Variants in ZRANB3 observed in about 807,000 individuals in gnomAD.
ZRANB3 encodes zinc finger RANBP2-type containing 3.
ZRANB3 carries 125 observed loss-of-function variants against 133.8 expected under a neutral mutation model. The observed-to-expected ratio is 0.93, with a 90% confidence interval of 0.81 to 1.08. ZRANB3 has a LOEUF of 1.08. Among genes scored for constraint, ZRANB3 ranks in the 50% least tolerant of loss-of-function variants. ZRANB3 has a pLI of 0.00. For missense variants in ZRANB3, 1,229 were observed against 1,275.5 expected, an observed-to-expected ratio of 0.96 and a Z score of 0.56; for synonymous variants, 387 against 432.7, an observed-to-expected ratio of 0.89 and a Z score of 1.31.
At chr2:135,345,480 G>T in intron 6 of ZRANB3, 70 bp downstream of exon 6, 3 of 1,091,012 alleles carry the variant, frequency 2.7e-6, no homozygotes, top group Non-Finnish European at 4.0e-6. Context: ...AAAAAAAAAA[G>T]AATGATTAAT....
intron 2 of ZRANB3, among the ~76,000 whole-genome samples, chr2:135,471,553 A>G (rs1003710158): frequency 2.0e-5 from 3 of 152,200 alleles, no homozygotes; most frequent in Non-Finnish European, 4.4e-5. Context: ...AAATATCGTA[A>G]CTATTTTTAA....
intron 6 of ZRANB3, among the ~76,000 whole-genome samples, chr2:135,338,996 C>T (rs1310180818): frequency 1.3e-5 from 2 of 152,080 alleles, no homozygotes; most frequent in African/African-American, 4.8e-5. Context: ...ATGGTATAGG[C>T]CAGGCAGGGT....
intron 2 of ZRANB3, among the ~76,000 whole-genome samples, chr2:135,484,474 A>C (rs1431331450): frequency 6.6e-6 from 1 of 152,112 alleles, no homozygotes; most frequent in African/African-American, 2.4e-5. Flanking sequence ...GTATATTCAC[A>C]ATATACATAT....
intron 2 of ZRANB3, among the ~76,000 whole-genome samples, chr2:135,453,927 C>A (rs1690382906): frequency 6.6e-6 from 1 of 152,174 alleles, no homozygotes; most frequent in Non-Finnish European, 1.5e-5. Context: ...TGTTTTCATG[C>A]TGCTGATAAA....
intron 1 of ZRANB3, among the ~76,000 whole-genome samples, chr2:135,524,372 G>A (rs542705966): frequency 6.6e-5 from 10 of 152,010 alleles, no homozygotes; most frequent in Non-Finnish European, 1.2e-4. Context: ...TTAAGCCACC[G>A]CGACCATCCT....
chr2:135,327,327 G>T (rs1467521930), intron 6 of ZRANB3, among the ~76,000 whole-genome samples: 1 of 151,848 alleles, frequency 6.6e-6, no homozygotes, highest in African/African-American at 2.4e-5. Context: ...AAATCTCCAG[G>T]AAAACGAAAA....
At position 135,280,063 on chromosome 2, in the gene ZRANB3, C is replaced by A. The variant is rs912615202; in HGVS notation, c.967-4308G>T. Among the ~76,000 whole-genome samples, 11 of 152,156 alleles carry A rather than the reference C, an allele frequency of 7.2e-5. No homozygotes were observed. In the South Asian group the frequency reaches 2.1e-3, roughly 29 times the overall value. ...AAATTATCTGAACAGGAATTTGCTT[C>A]CAAACGATCTTAAGTACATAGTATG... is the stretch of plus-strand genomic sequence containing the variant. On this transcript the variant is annotated intron_variant, in intron 8 of 20. Transcript: ENST00000264159.
chr2:135,485,150 A>T (rs1266837250), intron 2 of ZRANB3, among the ~76,000 whole-genome samples: 1 of 92,882 alleles, frequency 1.1e-5, no homozygotes, highest in South Asian at 3.0e-4. Context: ...AAAACAAACA[A>T]AACAAAACAA....
In ZRANB3 at chr2:135,199,366, G is replaced by A. The variant is rs897790531; in HGVS notation, c.*976C>T. The A allele has an allele frequency of 1.3e-5, 2 of 151,980 alleles. No individual in the cohort carries two copies. The highest frequency in any genetic ancestry group is 2.9e-5 in the Non-Finnish European group (2 of 68,046). The allele number at this position is 151,980 out of a possible 1,614,324, so 9.4% of individuals were successfully genotyped here. ...GGCTGGAGTTCAATGGCGTGATCTC[G>A]GCTCACTGCAACCTCTGCTTCCCGG... On this transcript the variant is annotated 3_prime_UTR_variant, in exon 21 of 21. Transcript: ENST00000264159.
chr2:135,328,886 C>G (rs571086072), intron 6 of ZRANB3, among the ~76,000 whole-genome samples: 1 of 152,256 alleles, frequency 6.6e-6, no homozygotes, highest in Admixed American at 6.5e-5. Context: ...TGTTCATATC[C>G]TTTGCCCACT....
At chr2:135,495,297 C>G (rs1054739701) in intron 2 of ZRANB3, among the ~76,000 whole-genome samples, 2 of 151,924 alleles carry the variant, frequency 1.3e-5, no homozygotes, top group African/African-American at 4.8e-5. Context: ...TGTGCTGTGT[C>G]TATATAAGAG....
chr2:135,214,390 T>C (rs1225177193), intron 17 of ZRANB3, among the ~76,000 whole-genome samples: 1 of 151,916 alleles, frequency 6.6e-6, no homozygotes, highest in Non-Finnish European at 1.5e-5. Flanking sequence ...TAATATATTA[T>C]GTATATATAA....
In ZRANB3 at chr2:135,217,095, C is replaced by T. The variant is rs546592932; in HGVS notation, c.2495+370G>A. Among the ~76,000 whole-genome samples the T allele has an allele frequency of 1.6e-3, 247 of 152,290 alleles. 2 individuals carry two copies. The highest frequency in any genetic ancestry group is 3.4e-3 in the Middle Eastern group (1 of 294). ...TGCACAGCATCATACTCACGCACAG[C>T]AGGGCAAAGCAGATGGGGTCCAGAG... On this transcript the variant is annotated intron_variant, in intron 17 of 20. Coordinates refer to ENST00000264159, the MANE Select transcript of ZRANB3 (RefSeq NM_032143.4).
intron 2 of ZRANB3, among the ~76,000 whole-genome samples, chr2:135,429,964 C>G (rs967962044): frequency 6.6e-6 from 1 of 152,104 alleles, no homozygotes; most frequent in Non-Finnish European, 1.5e-5. Flanking sequence ...GGGAGGATCG[C>G]TTGAGCCCAG....
In ZRANB3 at chr2:135,488,007, T is replaced by A. The variant is rs115842943; in HGVS notation, c.161+16322A>T. On this transcript the variant is annotated intron_variant, in intron 2 of 20. Coordinates refer to ENST00000264159, the MANE Select transcript of ZRANB3 (RefSeq NM_032143.4). Reference sequence around the variant, plus strand: ...ACTAAGCATGATCATTTCTAGCTTTTGATTTAAAGTGAGAGATGTATGATC... The same window carrying A: ...ACTAAGCATGATCATTTCTAGCTTTAGATTTAAAGTGAGAGATGTATGATC... Among the ~76,000 whole-genome samples the A allele has an allele frequency of 7.0e-3, 1,068 of 152,294 alleles. 11 individuals are homozygous for A. Among genetic ancestry groups the A allele is most frequent in the African/African-American group, 0.024 (1,001 of 41,552 alleles).
intron 3 of ZRANB3, among the ~76,000 whole-genome samples, chr2:135,385,495 T>G (rs1463215410): frequency 6.6e-6 from 1 of 151,686 alleles, no homozygotes; most frequent in Non-Finnish European, 1.5e-5. Context: ...AAACTAAAGT[T>G]CATATGGAAC....
chr2:135,391,704 C>T (rs186438664), intron 2 of ZRANB3, among the ~76,000 whole-genome samples: 3 of 151,894 alleles, frequency 2.0e-5, no homozygotes, highest in East Asian at 1.9e-4. Flanking sequence ...CTCAGCCTCC[C>T]GAGTAGCTGG....
intron 12 of ZRANB3, chr2:135,238,896 A>T (rs1416303204): frequency 1.3e-5 from 2 of 152,240 alleles, no homozygotes; most frequent in African/African-American, 4.8e-5. Context: ...TGAGTGAACA[A>T]GCCTTCAGAG....
At chr2:135,404,604 T>G (rs1051149903) in intron 2 of ZRANB3, among the ~76,000 whole-genome samples, 2 of 152,032 alleles carry the variant, frequency 1.3e-5, no homozygotes, top group Non-Finnish European at 2.9e-5. Context: ...CAGAGAATGC[T>G]ACAAAGATAC....
Sources: gnomAD v4.1 joint callset for allele counts (sites outside exome capture counted in the v4.1 genomes callset) on GRCh38, gnomAD v4.1.1 for gene constraint, MANE v1.5 for transcripts, NCBI Gene and HGNC (gene_info 2026-07-23, HGNC 2026-07-21) for gene names.